Variants in SUSD1 observed in about 807,000 individuals in gnomAD.
SUSD1 encodes the protein sushi domain-containing protein 1.
In SUSD1, 65 loss-of-function variants were observed where a neutral mutation model predicts 86.9. The ratio of observed to expected loss-of-function variants is 0.75; its 90% CI spans 0.61 to 0.92. SUSD1 has a LOEUF of 0.92. Ranked by LOEUF, SUSD1 falls within the 40% of genes least tolerant of loss-of-function variation. SUSD1 has a pLI of 0.00. For synonymous variants in SUSD1, 346 were observed against 350.0 expected, an observed-to-expected ratio of 0.99 and a Z score of 0.13; for missense variants, 850 against 929.7, an observed-to-expected ratio of 0.91 and a Z score of 1.11.
At chr9:112,094,140 C>T (rs1589645621) in intron 10 of SUSD1, among the ~76,000 whole-genome samples, 1 of 152,088 alleles carries the variant, frequency 6.6e-6, no homozygotes, top group African/African-American at 2.4e-5. Flanking sequence ...TGGGATGGGG[C>T]CCAGGAACCA....
Position 112,112,783 on chromosome 9 carries a change from C to G in SUSD1, c.972G>C (p.Lys324Asn). ...WQINSRRINP[K>N]ISYVISIKGQ... ...TCACTTTACTTACCACATATGAGAT[C>G]TTGGGGTTTATTCTTCTTGAGTTTA... Residue 324 changes from lysine (K) to asparagine (N), a missense_variant, in exon 7 of 17, where the codon AAG becomes AAC. Transcript: ENST00000374270. 1 of 1,610,958 alleles carries G rather than the reference C, an allele frequency of 6.2e-7. No homozygotes were observed. The highest frequency in any genetic ancestry group is 1.1e-5 in the South Asian group (1 of 91,014).
At chr9:112,119,210 C>G (rs1277045454) in intron 6 of SUSD1, among the ~76,000 whole-genome samples, 2 of 152,252 alleles carry the variant, frequency 1.3e-5, no homozygotes, top group African/African-American at 4.8e-5. Flanking sequence ...ATTAAGGTCC[C>G]TAGCTGAGCC....
At chr9:112,067,946 A>G (rs192173805) in intron 12 of SUSD1, among the ~76,000 whole-genome samples, 1 of 152,276 alleles carries the variant, frequency 6.6e-6, no homozygotes, top group East Asian at 1.9e-4. Context: ...AAATTATAAT[A>G]AATAAAAACT....
intron 15 of SUSD1, 104 bp downstream of exon 15, chr9:112,052,295 G>T (rs371597032): frequency 2.5e-6 from 4 of 1,600,624 alleles, no homozygotes; most frequent in Middle Eastern, 3.4e-4. Flanking sequence ...TATGAATTGG[G>T]TTCTGGTCAC....
intron 5 of SUSD1, among the ~76,000 whole-genome samples, chr9:112,139,006 C>T (rs1014725020): frequency 6.6e-6 from 1 of 152,020 alleles, no homozygotes; most frequent in Non-Finnish European, 1.5e-5. Context: ...ACATAATTTA[C>T]CAAAATTGAT....
intron 6 of SUSD1, among the ~76,000 whole-genome samples, chr9:112,115,535 G>A (rs1471857031): frequency 2.0e-5 from 3 of 152,014 alleles, no homozygotes; most frequent in African/African-American, 4.8e-5. Flanking sequence ...AAGTGGGTGC[G>A]GTGGCTCACG....
At chr9:112,171,665 G>A (rs533914997) in intron 1 of SUSD1, among the ~76,000 whole-genome samples, 3 of 151,366 alleles carry the variant, frequency 2.0e-5, no homozygotes, top group Admixed American at 6.6e-5. Flanking sequence ...CTTCTTCCTC[G>A]CCCCCCACTT....
chr9:112,173,019 T>C (rs910456090), intron 1 of SUSD1, among the ~76,000 whole-genome samples: 3 of 152,246 alleles, frequency 2.0e-5, no homozygotes, highest in Non-Finnish European at 4.4e-5. Context: ...CAGATGACCT[T>C]ACGTAGCTAC....
At chr9:112,109,503 T>C (rs1447520970) in intron 8 of SUSD1, among the ~76,000 whole-genome samples, 7 of 152,318 alleles carry the variant, frequency 4.6e-5, no homozygotes, top group Middle Eastern at 3.4e-3. Context: ...TAAATCCTAA[T>C]TCTCTCTAGA....
Position 112,175,068 on chromosome 9 carries a change from C to CA in SUSD1, c.103+64dup. The stretch of plus-strand genomic sequence containing the variant: ...AGGGGCGGGGAAGCGTCCGTGCGCC[C>CA]AGAGTCCTCGAGGCCCAGCCGGGGG... On this transcript the variant is annotated intron_variant, in intron 1 of 16. Coordinates refer to ENST00000374270, the MANE Select transcript of SUSD1 (RefSeq NM_022486.5). The surrounding 1 kb of genome is among the most constrained non-coding windows in gnomAD (Gnocchi z 4.7). The CA allele has an allele frequency of 1.0e-6, 1 of 993,590 alleles. No homozygotes were observed. The highest frequency in any genetic ancestry group is 1.2e-6 in the Non-Finnish European group (1 of 835,216). The allele number at this position is 993,590 out of a possible 1,614,324, so 61.5% of individuals were successfully genotyped here.
At chr9:112,134,328 G>T (rs1229915739) in intron 5 of SUSD1, among the ~76,000 whole-genome samples, 2 of 152,058 alleles carry the variant, frequency 1.3e-5, no homozygotes, top group Non-Finnish European at 2.9e-5. Context: ...GCCCATCAGT[G>T]GTGGATTGGA....
chr9:112,161,547 G>A (rs1407447655), intron 1 of SUSD1, among the ~76,000 whole-genome samples: 1 of 151,974 alleles, frequency 6.6e-6, no homozygotes, highest in Non-Finnish European at 1.5e-5. Flanking sequence ...TCTTGGCCAG[G>A]CAGGGTGGCT....
At chr9:112,145,593 C>A (rs1160531891) in intron 3 of SUSD1, among the ~76,000 whole-genome samples, 2 of 152,116 alleles carry the variant, frequency 1.3e-5, no homozygotes, top group African/African-American at 4.8e-5. Flanking sequence ...ATTTCTTTTT[C>A]TTAAATGACA....
intron 6 of SUSD1, 101 bp downstream of exon 6, chr9:112,124,156 T>C (rs564581075): frequency 8.4e-7 from 1 of 1,189,106 alleles, no homozygotes; most frequent in African/African-American, 1.5e-5. Flanking sequence ...CCGAGCTGGG[T>C]ACAGTATGTA....
At chr9:112,130,284 G>A (rs1346803462) in intron 5 of SUSD1, among the ~76,000 whole-genome samples, 2 of 151,914 alleles carry the variant, frequency 1.3e-5, no homozygotes, top group African/African-American at 2.4e-5. Flanking sequence ...GAGGCAGGAG[G>A]ATCGCTTGAA....
intron 3 of SUSD1, among the ~76,000 whole-genome samples, chr9:112,144,282 A>G (rs1832712615): frequency 6.6e-6 from 1 of 151,948 alleles, no homozygotes; most frequent in South Asian, 2.1e-4. Context: ...AAATCCAATC[A>G]CTATAAATAT....
intron 3 of SUSD1, among the ~76,000 whole-genome samples, chr9:112,145,509 C>T (rs781864): frequency 0.11 from 16,017 of 151,882 alleles, 1,119 homozygotes; most frequent in East Asian, 0.2. Context: ...CTCGAACTCC[C>T]GACCTCAAAT....
intron 5 of SUSD1, among the ~76,000 whole-genome samples, chr9:112,137,261 AG>A: frequency 6.6e-6 from 1 of 151,724 alleles, no homozygotes; most frequent in Admixed American, 6.6e-5. Context: ...GTAGTGACAC[AG>A]GGGAGGAGGA....
At chr9:112,147,207 T>C (rs1832840870) in intron 3 of SUSD1, among the ~76,000 whole-genome samples, 1 of 152,166 alleles carries the variant, frequency 6.6e-6, no homozygotes, top group Admixed American at 6.5e-5. Flanking sequence ...AGTCTTGTCA[T>C]ATAAGAAGTG....
Sources: gnomAD v4.1 joint callset for allele counts (sites outside exome capture counted in the v4.1 genomes callset) on GRCh38, gnomAD v4.1.1 for gene constraint, Gnocchi (gnomAD v3.1) non-coding constraint, MANE v1.5 for transcripts, NCBI Gene and HGNC (gene_info 2026-07-23, HGNC 2026-07-21) for gene names.